Variants in CCDC192 observed in about 807,000 individuals in gnomAD.
CCDC192 encodes coiled-coil domain containing 192.
At chr5:127,723,441 GCTCT>G (rs1452217719) in intron 2 of CCDC192, among the ~76,000 whole-genome samples, 1 of 152,100 alleles carries the variant, frequency 6.6e-6, no homozygotes, top group African/African-American at 2.4e-5. Context: ...CAATCTGGAT[GCTCT>G]CTATTTTATT....
At chr5:127,832,104 C>T (rs1749824276) in intron 5 of CCDC192, among the ~76,000 whole-genome samples, 2 of 151,754 alleles carry the variant, frequency 1.3e-5, no homozygotes, top group Admixed American at 1.3e-4. Flanking sequence ...TATGAGAAAG[C>T]AAAAGTTACA....
At chr5:127,833,103 T>C (rs1698632473) in intron 5 of CCDC192, among the ~76,000 whole-genome samples, 1 of 152,212 alleles carries the variant, frequency 6.6e-6, no homozygotes, top group African/African-American at 2.4e-5. Flanking sequence ...AAAATATAGA[T>C]TGGAGCAAAA....
chr5:127,919,971 C>T (rs1265909978), intron 6 of CCDC192, among the ~76,000 whole-genome samples: 5 of 152,202 alleles, frequency 3.3e-5, no homozygotes. Context: ...CTTTCTGTGG[C>T]ACATCATTAT....
chr5:127,754,264 A>G lies in CCDC192; in HGVS notation c.115-4A>G, dbSNP rs1295613895. The G allele has an allele frequency of 5.2e-5, 20 of 381,746 alleles. No individual in the cohort carries two copies. 23.6% of individuals were successfully genotyped at this position (381,746 alleles called of 1,614,324 possible). On this transcript the variant is annotated splice_polypyrimidine_tract_variant and splice_region_variant and intron_variant, in intron 2 of 6. Transcript: ENST00000514853. ...AGTAATACTTGATTTTTTTTTTTTT[A>G]AAGAAAGCGTCCCTGGATACTGGAC...
intron 5 of CCDC192, among the ~76,000 whole-genome samples, chr5:127,835,953 C>T (rs1010996346): frequency 2.6e-5 from 4 of 152,172 alleles, no homozygotes; most frequent in African/African-American, 9.7e-5. Flanking sequence ...ATCATGCCTT[C>T]CCAACAGTCC....
chr5:127,797,763 ATATATATATATATATT>A (rs1386603460), intron 4 of CCDC192, among the ~76,000 whole-genome samples: 40 of 8,994 alleles, frequency 4.4e-3, no homozygotes, highest in Admixed American at 0.025. Flanking sequence ...ATATATATAT[ATATATATATATATATT>A]TATTTATTTA....
chr5:127,917,809 T>G (rs959026569), intron 6 of CCDC192, among the ~76,000 whole-genome samples: 1 of 151,978 alleles, frequency 6.6e-6, no homozygotes, highest in African/African-American at 2.4e-5. Flanking sequence ...TACCTAAATG[T>G]GACATAGAGA....
At position 127,797,084 on chromosome 5, in the gene CCDC192, A is replaced by G. The variant is rs866089848; in HGVS notation, c.223-19A>G. 2.5e-6 allele frequency: 1 copy of G among 397,240 alleles called. No individual in the cohort carries two copies. Among genetic ancestry groups the G allele is most frequent in the East Asian group, 3.6e-5 (1 of 27,942 alleles). The allele number at this position is 397,240 out of a possible 1,614,324, so 24.6% of individuals were successfully genotyped here. On this transcript the variant is annotated intron_variant, in intron 3 of 6. Coordinates refer to ENST00000514853, the MANE Select transcript of CCDC192 (RefSeq NM_001317938.2). ...AATATCACTGTACTTACATACTCTT[A>G]TAAAGAAAATATCTTTAGCTTTCAG...
intron 2 of CCDC192, among the ~76,000 whole-genome samples, chr5:127,745,586 T>C (rs1002270702): frequency 1.3e-5 from 2 of 152,344 alleles, no homozygotes; most frequent in South Asian, 2.1e-4. Context: ...AATAACTTTA[T>C]ATTTAGGTAG....
At chr5:127,856,491 C>T (rs982117115) in intron 5 of CCDC192, among the ~76,000 whole-genome samples, 14 of 152,198 alleles carry the variant, frequency 9.2e-5, no homozygotes, top group Admixed American at 5.9e-4. Flanking sequence ...TGGAGTAGCA[C>T]TTTCAGTTTC....
rs1754432359 is a variant in CCDC192, at chr5:127,754,283, A to G, written c.130A>G (p.Thr44Ala). 10 of 398,702 alleles carry G rather than the reference A, an allele frequency of 2.5e-5. No homozygotes were observed. Among genetic ancestry groups the G allele is most frequent in the Admixed American group, 8.8e-5 (2 of 22,702 alleles). 24.7% of individuals were successfully genotyped at this position (398,702 alleles called of 1,614,324 possible). ...ENKVSKASLD[T>A]GQMAFTLAQL... ...TTTTTTAAAGAAAGCGTCCCTGGAT[A>G]CTGGACAGATGGCGTTTACCTTGGC... Residue 44 changes from threonine (T) to alanine (A), a missense_variant, in exon 3 of 7, where the codon ACT (threonine) becomes GCT (alanine). By Grantham distance (58) the Thr-to-Ala change is moderately conservative (BLOSUM62 0). Coordinates refer to ENST00000514853, the MANE Select transcript of CCDC192 (RefSeq NM_001317938.2).
At chr5:127,832,524 G>C (rs763671338) in intron 5 of CCDC192, among the ~76,000 whole-genome samples, 7 of 151,964 alleles carry the variant, frequency 4.6e-5, no homozygotes, top group Non-Finnish European at 1.0e-4. Context: ...ATATGTAAAA[G>C]AATCAGTGGA....
intron 2 of CCDC192, among the ~76,000 whole-genome samples, chr5:127,717,575 A>T (rs866116932): frequency 2.0e-5 from 3 of 152,092 alleles, no homozygotes; most frequent in Non-Finnish European, 4.4e-5. Context: ...TTTGAACTTT[A>T]CCTGCTGCAA....
intron 6 of CCDC192, among the ~76,000 whole-genome samples, chr5:127,892,745 G>GT (rs1393994367): frequency 2.0e-5 from 3 of 152,132 alleles, no homozygotes; most frequent in Admixed American, 2.0e-4. Flanking sequence ...AGAAATCTGT[G>GT]TTATAGTTGG....
At chr5:127,843,883 G>A (rs1750413449) in intron 5 of CCDC192, among the ~76,000 whole-genome samples, 2 of 152,124 alleles carry the variant, frequency 1.3e-5, no homozygotes, top group African/African-American at 4.8e-5. Flanking sequence ...GATGTAAGAA[G>A]GGAAAAAAGT....
rs184548441 is a variant in CCDC192 at position 127,806,164 on chromosome 5, A to C, written c.411+8002A>C. Among the ~76,000 whole-genome samples, 251 of 152,288 alleles carry C rather than the reference A, an allele frequency of 1.6e-3. 1 individual carries two copies. Among genetic ancestry groups the C allele is most frequent in the African/African-American group, 5.8e-3 (242 of 41,564 alleles). On this transcript the variant is annotated intron_variant, in intron 5 of 6. Coordinates refer to ENST00000514853, the MANE Select transcript of CCDC192 (RefSeq NM_001317938.2). ...ATATTATCTTTTCTTTTCCCCACCA[A>C]ATAGCCAATGCACAATAAATTGCTC...
chr5:127,728,693 A>G (rs1204094943), intron 2 of CCDC192, among the ~76,000 whole-genome samples: 1 of 152,192 alleles, frequency 6.6e-6, no homozygotes, highest in African/African-American at 2.4e-5. Context: ...TTCACACATA[A>G]CAATATTAAC....
intron 6 of CCDC192, among the ~76,000 whole-genome samples, chr5:127,906,786 CA>C (rs11345004): frequency 0.72 from 109,238 of 151,776 alleles, 39,858 homozygotes; most frequent in African/African-American, 0.86. Context: ...ATCCTGTCTC[CA>C]AAAAAAACCC....
At chr5:127,733,754 C>G (rs1339384458) in intron 2 of CCDC192, among the ~76,000 whole-genome samples, 1 of 151,870 alleles carries the variant, frequency 6.6e-6, no homozygotes, top group African/African-American at 2.4e-5. Context: ...TCACTGTAGC[C>G]TCTGAAAACA....
Sources: gnomAD v4.1 joint callset for allele counts (sites outside exome capture counted in the v4.1 genomes callset) on GRCh38, gnomAD v4.1.1 for gene constraint, MANE v1.5 for transcripts, NCBI Gene and HGNC (gene_info 2026-07-23, HGNC 2026-07-21) for gene names.